The following REPS2 variants were observed in gnomAD, a reference collection of about 807,000 sequenced individuals.
The protein encoded by REPS2 is ralBP1-associated Eps domain-containing protein 2.
Under a neutral mutation model 53.6 loss-of-function variants are expected in REPS2, and 23 were observed. The observed-to-expected ratio is 0.43, with a 90% confidence interval of 0.31 to 0.61. The LOEUF is 0.61. Among genes scored for constraint, REPS2 ranks in the 20% least tolerant of loss-of-function variants. The probability of loss-of-function intolerance (pLI) is 0.11; values close to 1 mark genes in which losing one functional copy is unlikely to be tolerated. For missense variants in REPS2, 446 were observed against 534.9 expected, an observed-to-expected ratio of 0.83 and a Z score of 1.64; for synonymous variants, 238 against 218.6, an observed-to-expected ratio of 1.09 and a Z score of -0.78.
intron 5 of REPS2, among the ~76,000 whole-genome samples, chrX:17,041,794 A>G (rs1007584273): frequency 1.8e-5 from 2 of 112,496 alleles, no homozygotes; most frequent in East Asian, 2.8e-4. Flanking sequence ...GAAATGTTCT[A>G]TGATTGAAAC....
At chrX:16,992,641 G>A (rs773818464) in intron 1 of REPS2, among the ~76,000 whole-genome samples, 51 of 111,972 alleles carry the variant, frequency 4.6e-4, no homozygotes, top group Admixed American at 1.0e-3. Flanking sequence ...TAGATGCAAG[G>A]ACTGGGCGGT....
At chrX:17,028,856 A>G (rs1241066261) in intron 4 of REPS2, among the ~76,000 whole-genome samples, 4 of 112,107 alleles carry the variant, frequency 3.6e-5, no homozygotes, top group African/African-American at 1.3e-4. Flanking sequence ...CTACCTGGTT[A>G]TGTTTAACTG....
intron 14 of REPS2, among the ~76,000 whole-genome samples, chrX:17,115,164 TC>T: frequency 8.9e-6 from 1 of 112,028 alleles, no homozygotes; most frequent in Non-Finnish European, 1.9e-5. Flanking sequence ...CCTGCCAGCC[TC>T]TGAGTTCCCT....
chrX:17,071,400 C>G (rs914086574), intron 11 of REPS2, among the ~76,000 whole-genome samples: 1 of 106,136 alleles, frequency 9.4e-6, no homozygotes, highest in Non-Finnish European at 1.9e-5. Context: ...AGCACAAGAT[C>G]AAGTGTCCTC....
intron 1 of REPS2, among the ~76,000 whole-genome samples, chrX:16,962,276 TACACACACACACACACACACACACAC>T (rs61520216): frequency 7.3e-5 from 6 of 81,858 alleles, no homozygotes; most frequent in Admixed American, 3.0e-4. Flanking sequence ...TATCGTGGGA[TACACACACACACACACACACACACAC>T]ACACACACAC....
chrX:17,014,068 A>G (rs2147820118), intron 2 of REPS2, among the ~76,000 whole-genome samples: 1 of 111,887 alleles, frequency 8.9e-6, no homozygotes, highest in South Asian at 3.8e-4. Flanking sequence ...GGATCTTAGC[A>G]GGAAAATACA....
the REPS2 span, among the ~76,000 whole-genome samples, chrX:17,184,634 C>T: frequency 1.8e-5 from 2 of 110,478 alleles, no homozygotes; most frequent in Admixed American, 9.6e-5. Flanking sequence ...AACTAGTTTA[C>T]AGTCCCACCA....
Position 16,946,873 on chromosome X carries a change from AGCGGCG to A in REPS2, c.27_32del (p.Ala16_Ala17del), listed in dbSNP as rs1159423697. 4 of 747,376 alleles carry A rather than the reference AGCGGCG, an allele frequency of 5.4e-6. No individual in the cohort carries two copies. Among genetic ancestry groups the A allele is most frequent in the Non-Finnish European group, 6.2e-6 (4 of 640,701 alleles). The allele number at this position is 747,376 out of a possible 1,213,427, so 61.6% of individuals were successfully genotyped here. A position where few individuals can be genotyped will look rare whatever the true frequency, so the allele number is the denominator to read the frequency against. On this transcript the variant is annotated inframe_deletion, in exon 1 of 18. Coordinates refer to ENST00000357277, the MANE Select transcript of REPS2 (RefSeq NM_004726.3). ...CCCTTGCTGGCCCCATGGAGGCGGCAGCGGCGGCGGCGGCGGCGGCAGCGGCAGCGG... is the reference window on the plus strand; with the variant it reads ...CCCTTGCTGGCCCCATGGAGGCGGCAGCGGCGGCGGCGGCAGCGGCAGCGG...
At chrX:17,114,264 A>G (rs750961232) in intron 14 of REPS2, among the ~76,000 whole-genome samples, 1 of 111,501 alleles carries the variant, frequency 9.0e-6, no homozygotes, top group Non-Finnish European at 1.9e-5. Context: ...ATTTCTACTA[A>G]CTCTTTTTAG....
chrX:17,019,960 T>C (rs892236523), intron 2 of REPS2, among the ~76,000 whole-genome samples: 1 of 112,566 alleles, frequency 8.9e-6, no homozygotes, highest in African/African-American at 3.2e-5. Context: ...TTATTATGTA[T>C]GGTTATACTT....
At chrX:16,968,153 TGGG>T (rs1175551925) in intron 1 of REPS2, among the ~76,000 whole-genome samples, 1 of 111,296 alleles carries the variant, frequency 9.0e-6, no homozygotes, top group Non-Finnish European at 1.9e-5. Flanking sequence ...AGCACCGGGT[TGGG>T]GGTAAGGTCA....
chrX:17,178,592 C>T, the REPS2 span, among the ~76,000 whole-genome samples: 108 of 111,706 alleles, frequency 9.7e-4, 1 homozygote, highest in African/African-American at 3.3e-3. Flanking sequence ...AACTTTGCTA[C>T]GCTATGGGCA....
chrX:17,185,329 C>T, the REPS2 span, among the ~76,000 whole-genome samples: 20 of 111,314 alleles, frequency 1.8e-4, no homozygotes, highest in Non-Finnish European at 1.5e-4. Context: ...GTGTTACTTC[C>T]GTTGCATTGG....
rs768883401 is a variant in REPS2, at chrX:17,148,279, A to C, written c.*798A>C. On this transcript the variant is annotated 3_prime_UTR_variant, in exon 18 of 18. Transcript: ENST00000357277. ...CCTTGCCTGACCAAATTAAATAAAT[A>C]GTTGCCAGATCTCTACTTTTATCCT... is the stretch of plus-strand genomic sequence containing the variant. 125 of 112,335 alleles carry C rather than the reference A, an allele frequency of 1.1e-3. 1 individual carries two copies. The highest frequency in any genetic ancestry group is 3.8e-3 in the African/African-American group (118 of 30,841). 9.3% of individuals were successfully genotyped at this position (112,335 alleles called of 1,213,427 possible).
the REPS2 span, among the ~76,000 whole-genome samples, chrX:17,189,602 T>C: frequency 9.0e-6 from 1 of 111,077 alleles, no homozygotes; most frequent in Admixed American, 9.5e-5. Context: ...TGTTACTTTC[T>C]AGCTTGCTTT....
intron 14 of REPS2, among the ~76,000 whole-genome samples, chrX:17,114,107 G>A (rs2063013950): frequency 9.0e-6 from 1 of 111,509 alleles, no homozygotes; most frequent in Admixed American, 9.5e-5. Context: ...ACCTTTGATG[G>A]TAAGGTTTTC....
chrX:16,969,049 CGGG>C (rs1017134845), intron 1 of REPS2, among the ~76,000 whole-genome samples: 1 of 107,344 alleles, frequency 9.3e-6, no homozygotes, highest in African/African-American at 3.4e-5. Flanking sequence ...ACTTCTCAGA[CGGG>C]GCGGCTGGGC....
chrX:17,164,883 G>A, the REPS2 span, among the ~76,000 whole-genome samples: 2 of 111,890 alleles, frequency 1.8e-5, no homozygotes, highest in African/African-American at 6.5e-5. Context: ...ACCAAAATCT[G>A]GGTATTTGAA....
chrX:17,149,864 G>T lies in REPS2; in HGVS notation c.*2383G>T, dbSNP rs2063552950. 9.0e-6 allele frequency: 1 copy of T among 111,669 alleles called. No homozygotes were observed. The allele number at this position is 111,669 out of a possible 1,213,427, so 9.2% of individuals were successfully genotyped here. Reference sequence around the variant, plus strand: ...GAGTGAGCCAGATTGGGAGGTTGGGGTTTTGTTTGGTTGGCTTGGTTTTCA... The same window carrying T: ...GAGTGAGCCAGATTGGGAGGTTGGGTTTTTGTTTGGTTGGCTTGGTTTTCA... On this transcript the variant is annotated 3_prime_UTR_variant, in exon 18 of 18. Transcript: ENST00000357277.
Sources: gnomAD v4.1 joint callset for allele counts (sites outside exome capture counted in the v4.1 genomes callset) on GRCh38, gnomAD v4.1.1 for gene constraint, MANE v1.5 for transcripts, NCBI Gene and HGNC (gene_info 2026-07-23, HGNC 2026-07-21) for gene names.